The following CUEDC1 variants were observed in gnomAD, a reference collection of about 807,000 sequenced individuals.
The protein encoded by CUEDC1 is CUE domain containing 1.
In CUEDC1, 30 loss-of-function variants were observed where a neutral mutation model predicts 43.7. The ratio of observed to expected loss-of-function variants is 0.69; its 90% CI spans 0.51 to 0.93. The LOEUF (loss-of-function observed/expected upper bound fraction) is 0.93. Among genes scored for constraint, CUEDC1 ranks in the 40% least tolerant of loss-of-function variants. The pLI is 0.00. For missense variants in CUEDC1, 486 were observed against 549.0 expected, an observed-to-expected ratio of 0.89 and a Z score of 1.15; for synonymous variants, 223 against 223.6, an observed-to-expected ratio of 1.00 and a Z score of 0.02.
Position 57,861,382 on chromosome 17 carries a change from C to A in CUEDC1, c.*1907G>T, listed in dbSNP as rs150016156. On this transcript the variant is annotated 3_prime_UTR_variant, in exon 11 of 11. Transcript: ENST00000577830. The stretch of plus-strand genomic sequence containing the variant: ...TGGGCCAAACAGGAAGGCGACAGCG[C>A]TAGACGCAGCCGGCAGGTCCGCAAG... The A allele has an allele frequency of 1.3e-5, 2 of 152,416 alleles. No individual in the cohort carries two copies. The highest frequency in any genetic ancestry group is 4.8e-5 in the African/African-American group (2 of 41,586). 9.4% of individuals were successfully genotyped at this position (152,416 alleles called of 1,614,324 possible). A position where few individuals can be genotyped will look rare whatever the true frequency, so the allele number is the denominator to read the frequency against.
Position 57,879,592 on chromosome 17 carries a change from A to AGACATGACAGATTCTCACCG in CUEDC1, c.463_464+18dup, listed in dbSNP as rs1568032847. On this transcript the variant is annotated intron_variant, in intron 3 of 10. Transcript: ENST00000577830. ...CTCTTCCCTGCCACCCTGTGCTCTG[A>AGACATGACAGATTCTCACCG]GACATGACAGATTCTCACCGGGGAG... 1 of 1,579,948 alleles carries AGACATGACAGATTCTCACCG rather than the reference A, an allele frequency of 6.3e-7. No individual in the cohort carries two copies. The highest frequency in any genetic ancestry group is 2.0e-5 in the Admixed American group (1 of 50,692).
intron 1 of CUEDC1, among the ~76,000 whole-genome samples, chr17:57,943,201 C>T (rs1177110785): frequency 6.6e-6 from 1 of 152,248 alleles, no homozygotes; most frequent in East Asian, 1.9e-4. Context: ...GAGCCCTTCC[C>T]AAAGCCCCTG....
chr17:57,919,148 C>T (rs765051605), intron 1 of CUEDC1, among the ~76,000 whole-genome samples: 3 of 151,614 alleles, frequency 2.0e-5, no homozygotes, highest in African/African-American at 4.8e-5. Context: ...CCCCTGCACC[C>T]GGGAATATAT....
rs1431589191 is a variant in CUEDC1, at chr17:57,954,089, AC to A, written c.-316+1135del. On this transcript the variant is annotated intron_variant, in intron 1 of 10. Coordinates refer to ENST00000577830, the MANE Select transcript of CUEDC1 (RefSeq NM_001271875.2). The surrounding 1 kb of genome is among the most constrained non-coding windows in gnomAD (Gnocchi z 4.3). The stretch of plus-strand genomic sequence containing the variant: ...CGTGAGAGAATTCCTGGGGTCCCTC[AC>A]CTCCTTCAGGCACAGCTGGCTATAA... 6.6e-6 allele frequency among the ~76,000 whole-genome samples: 1 copy of A among 152,034 alleles called. No homozygotes were observed. The highest frequency in any genetic ancestry group is 1.5e-5 in the Non-Finnish European group (1 of 67,996).
intron 9 of CUEDC1, 110 bp downstream of exon 9, chr17:57,867,247 T>G: frequency 9.8e-7 from 1 of 1,016,978 alleles, no homozygotes; most frequent in East Asian, 2.6e-5. Context: ...CAACCCTCAG[T>G]GTGTTCCTCC....
intron 1 of CUEDC1, among the ~76,000 whole-genome samples, chr17:57,909,188 G>A (rs893644260): frequency 6.6e-6 from 1 of 151,994 alleles, no homozygotes; most frequent in African/African-American, 2.4e-5. Context: ...ATGGCGAGAC[G>A]GGGTTTCACC....
intron 2 of CUEDC1, among the ~76,000 whole-genome samples, chr17:57,884,192 CTTTTT>C (rs780667346): frequency 1.2e-5 from 1 of 81,346 alleles, no homozygotes; most frequent in Admixed American, 1.6e-4. Flanking sequence ...TTTTTCTTTT[CTTTTT>C]TTTTTTTTTT....
intron 1 of CUEDC1, among the ~76,000 whole-genome samples, chr17:57,933,957 C>T (rs1202518026): frequency 2.0e-5 from 3 of 152,152 alleles, no homozygotes; most frequent in Non-Finnish European, 4.4e-5. Flanking sequence ...CCCTCCCCAT[C>T]CTGCTCACCA....
chr17:57,944,457 G>A (rs753375315), intron 1 of CUEDC1, among the ~76,000 whole-genome samples: 71 of 152,202 alleles, frequency 4.7e-4, no homozygotes, highest in Admixed American at 1.6e-3. Context: ...TGATCTGCCC[G>A]CCTTGGCCTC....
chr17:57,927,540 A>C (rs939432967), intron 1 of CUEDC1, among the ~76,000 whole-genome samples: 6 of 152,312 alleles, frequency 3.9e-5, no homozygotes, highest in Admixed American at 3.9e-4. Flanking sequence ...CCATGCCTGA[A>C]GCCAAAATCA....
At position 57,878,048 on chromosome 17, in the gene CUEDC1, A is replaced by G. The variant is rs552033788; in HGVS notation, c.464+1563T>C. 1.2e-4 allele frequency among the ~76,000 whole-genome samples: 19 copies of G among 152,104 alleles called. 1 individual carries two copies. The South Asian group carries it at 4.0e-3, about 32-fold the overall frequency. ...GCCAGCTCCTGGTACCACTCGTGAC[A>G]AAGATCCCAGCTCTGTTCCTGTCCC... On this transcript the variant is annotated intron_variant, in intron 3 of 10. Coordinates refer to ENST00000577830, the MANE Select transcript of CUEDC1 (RefSeq NM_001271875.2).
At chr17:57,901,572 TCAAA>T (rs769129720) in intron 1 of CUEDC1, among the ~76,000 whole-genome samples, 4 of 152,170 alleles carry the variant, frequency 2.6e-5, no homozygotes, top group African/African-American at 7.2e-5. Context: ...TCAACAGTCA[TCAAA>T]CAAAGGCACT....
intron 1 of CUEDC1, among the ~76,000 whole-genome samples, chr17:57,935,941 T>C (rs769914478): frequency 5.9e-5 from 9 of 152,214 alleles, no homozygotes; most frequent in Non-Finnish European, 1.3e-4. Flanking sequence ...ACCAGGGGAC[T>C]TGACCAGCCC....
At chr17:57,936,467 C>A (rs956067840) in intron 1 of CUEDC1, among the ~76,000 whole-genome samples, 1 of 152,168 alleles carries the variant, frequency 6.6e-6, no homozygotes, top group Non-Finnish European at 1.5e-5. Context: ...TCTCAAGCCC[C>A]CAGCCCAGGA....
intron 1 of CUEDC1, among the ~76,000 whole-genome samples, chr17:57,914,790 G>C (rs1190276159): frequency 2.0e-5 from 3 of 152,204 alleles, no homozygotes; most frequent in Non-Finnish European, 4.4e-5. Context: ...CCAGGGAGGA[G>C]GAGGCCCACT....
chr17:57,891,509 C>A (rs1444380560), intron 1 of CUEDC1, among the ~76,000 whole-genome samples: 1 of 152,200 alleles, frequency 6.6e-6, no homozygotes, highest in East Asian at 1.9e-4. Context: ...AGGGGTCATG[C>A]CCTTCCTCTG....
chr17:57,871,376 A>G lies in CUEDC1; in HGVS notation c.785-7T>C. ...GATTCGTATTTCAATCGATCTGGAA[A>G]AGGACCACATTCACAGGTCAGGGAG... On this transcript the variant is annotated splice_polypyrimidine_tract_variant and splice_region_variant and intron_variant, in intron 5 of 10. Coordinates refer to ENST00000577830, the MANE Select transcript of CUEDC1 (RefSeq NM_001271875.2). 6.2e-7 allele frequency: 1 copy of G among 1,612,940 alleles called. No homozygotes were observed. Among genetic ancestry groups the G allele is most frequent in the Non-Finnish European group, 8.5e-7 (1 of 1,179,430 alleles).
At chr17:57,931,701 G>A (rs528414012) in intron 1 of CUEDC1, among the ~76,000 whole-genome samples, 1 of 152,224 alleles carries the variant, frequency 6.6e-6, no homozygotes, top group Non-Finnish European at 1.5e-5. Flanking sequence ...AGGCCTGAGG[G>A]TTAGGAACAC....
chr17:57,929,076 G>T (rs971948187), intron 1 of CUEDC1, among the ~76,000 whole-genome samples: 3 of 152,076 alleles, frequency 2.0e-5, no homozygotes, highest in African/African-American at 4.8e-5. Flanking sequence ...AAAAACAAGG[G>T]TGTTCCTTAA....
Sources: gnomAD v4.1 joint callset for allele counts (sites outside exome capture counted in the v4.1 genomes callset) on GRCh38, gnomAD v4.1.1 for gene constraint, Gnocchi (gnomAD v3.1) non-coding constraint, MANE v1.5 for transcripts, NCBI Gene and HGNC (gene_info 2026-07-23, HGNC 2026-07-21) for gene names.